The following CDK19 variants were observed in gnomAD, a reference collection of about 807,000 sequenced individuals.
The protein encoded by CDK19 is cyclin dependent kinase 19.
A neutral mutation model predicts 68.3 loss-of-function variants in CDK19; 20 were observed. That is an observed-to-expected ratio of 0.29 (90% CI 0.21 to 0.43). CDK19 has a LOEUF of 0.43. Among genes scored for constraint, CDK19 ranks in the 20% least tolerant of loss-of-function variants. The pLI is 1.00. For synonymous variants in CDK19, 221 were observed against 222.8 expected (o/e 0.99, Z 0.07); for missense variants, 339 against 623.5 (o/e 0.54, Z 4.86).
chr6:110,724,826 C>A (rs1206150555), intron 2 of CDK19, among the ~76,000 whole-genome samples: 2 of 151,670 alleles, frequency 1.3e-5, no homozygotes, highest in Non-Finnish European at 2.9e-5. Context: ...TCTAAAACTA[C>A]AGTGCAATAT....
intron 12 of CDK19, among the ~76,000 whole-genome samples, chr6:110,620,777 T>A (rs1465022728): frequency 1.3e-5 from 2 of 152,158 alleles, no homozygotes; most frequent in Admixed American, 6.5e-5. Flanking sequence ...TCCCCTTCCC[T>A]TTTCAACTGC....
intron 4 of CDK19, among the ~76,000 whole-genome samples, chr6:110,655,100 G>A (rs1781223653): frequency 6.6e-6 from 1 of 152,126 alleles, no homozygotes; most frequent in South Asian, 2.1e-4. Flanking sequence ...GGGCACGGTA[G>A]CTCACGCCTG....
chr6:110,730,761 T>C (rs1003736993), intron 2 of CDK19, among the ~76,000 whole-genome samples: 1 of 152,178 alleles, frequency 6.6e-6, no homozygotes, highest in Non-Finnish European at 1.5e-5. Flanking sequence ...ATTAGAAATT[T>C]AGAGTATCGG....
intron 5 of CDK19, among the ~76,000 whole-genome samples, chr6:110,635,597 T>G (rs903903150): frequency 7.2e-5 from 11 of 152,152 alleles, no homozygotes; most frequent in South Asian, 6.2e-4. Flanking sequence ...TGGAGTGCAG[T>G]GGCATGATCT....
chr6:110,683,932 T>C (rs1209575413), intron 2 of CDK19, among the ~76,000 whole-genome samples: 3 of 151,410 alleles, frequency 2.0e-5, no homozygotes, highest in African/African-American at 7.3e-5. Context: ...TAGTCTCAAA[T>C]TCCTGACCTC....
intron 1 of CDK19, among the ~76,000 whole-genome samples, chr6:110,771,034 C>A (rs982223069): frequency 6.6e-6 from 1 of 152,192 alleles, no homozygotes; most frequent in Admixed American, 6.5e-5. Context: ...CTCCTGGCTA[C>A]TTTCACGGGC....
intron 6 of CDK19, 79 bp from the exon 7 acceptor site, chr6:110,627,224 A>T: frequency 9.3e-7 from 1 of 1,078,974 alleles, no homozygotes; most frequent in South Asian, 1.5e-5. Context: ...CTACTTATAA[A>T]AATACTTTTC....
chr6:110,799,463 T>C (rs1014320508), intron 1 of CDK19, among the ~76,000 whole-genome samples: 17 of 152,228 alleles, frequency 1.1e-4, no homozygotes, highest in African/African-American at 4.1e-4. Context: ...GCACAGTATT[T>C]GCATATAACC....
chr6:110,619,117 T>TA (rs1778549699), intron 12 of CDK19, among the ~76,000 whole-genome samples: 1 of 152,184 alleles, frequency 6.6e-6, no homozygotes, highest in Non-Finnish European at 1.5e-5. Flanking sequence ...TCCAACTAAA[T>TA]AGCTGTATCT....
chr6:110,646,023 G>A (rs1385870867), intron 4 of CDK19: 10 of 961,832 alleles, frequency 1.0e-5, no homozygotes, highest in Non-Finnish European at 1.6e-5. Flanking sequence ...GCGGTCGCGG[G>A]ACCTGCGTGC....
chr6:110,684,542 TTCTGTCCC>T (rs1772292894), intron 2 of CDK19, among the ~76,000 whole-genome samples: 1 of 152,132 alleles, frequency 6.6e-6, no homozygotes, highest in Non-Finnish European at 1.5e-5. Flanking sequence ...ATTCTCCAAA[TTCTGTCCC>T]TAGTTTTCTT....
At chr6:110,623,891 G>A (rs28731295) in intron 8 of CDK19, among the ~76,000 whole-genome samples, 13 of 45,476 alleles carry the variant, frequency 2.9e-4, no homozygotes, top group East Asian at 0.01. Flanking sequence ...ATATATATAT[G>A]TGTGTGTATA....
chr6:110,772,243 G>A (rs1046778476), intron 1 of CDK19, among the ~76,000 whole-genome samples: 12 of 152,008 alleles, frequency 7.9e-5, no homozygotes, highest in Non-Finnish European at 1.6e-4. Context: ...GTATTACAGC[G>A]GGAGGCAAAA....
intron 1 of CDK19, among the ~76,000 whole-genome samples, chr6:110,781,173 A>G (rs1236075170): frequency 6.6e-6 from 1 of 152,234 alleles, no homozygotes; most frequent in Non-Finnish European, 1.5e-5. Flanking sequence ...TGCAGGCCAT[A>G]TAAGAAACAT....
At chr6:110,788,568 T>A (rs901618889) in intron 1 of CDK19, among the ~76,000 whole-genome samples, 1 of 152,196 alleles carries the variant, frequency 6.6e-6, no homozygotes, top group Non-Finnish European at 1.5e-5. Context: ...TAAGGTGTCA[T>A]ATGAATTCTT....
chr6:110,761,402 T>C (rs1259355447), intron 1 of CDK19, among the ~76,000 whole-genome samples: 1 of 152,108 alleles, frequency 6.6e-6, no homozygotes, highest in African/African-American at 2.4e-5. Flanking sequence ...TACAGGTAAT[T>C]AGGAAACAGT....
intron 1 of CDK19, among the ~76,000 whole-genome samples, chr6:110,759,784 C>G (rs796598413): frequency 6.6e-6 from 1 of 151,788 alleles, no homozygotes; most frequent in East Asian, 1.9e-4. Flanking sequence ...CCTGAATTCA[C>G]CTGTATGAAA....
intron 1 of CDK19, among the ~76,000 whole-genome samples, chr6:110,754,027 C>A: frequency 6.8e-6 from 1 of 148,132 alleles, no homozygotes. Context: ...CTAAAATTGG[C>A]AAATTCTTTT....
At chr6:110,614,734 A>G in intron 12 of CDK19, 68 bp from the exon 13 acceptor site, 1 of 1,528,848 alleles carries the variant, frequency 6.5e-7, no homozygotes, top group Non-Finnish European at 9.0e-7. Flanking sequence ...TGCTCATCAC[A>G]GTAGGATAGA....
Sources: allele counts gnomAD v4.1 joint callset (sites outside exome capture counted in the v4.1 genomes callset), GRCh38; gene constraint gnomAD v4.1.1; transcripts MANE v1.5; gene names NCBI Gene and HGNC (gene_info 2026-07-23, HGNC 2026-07-21).